The following IL1RAPL1 variants were observed in gnomAD, a reference collection of about 807,000 sequenced individuals.
IL1RAPL1 encodes interleukin-1 receptor accessory protein-like 1.
IL1RAPL1 carries 3 observed loss-of-function variants against 48.4 expected under a neutral mutation model. The ratio of observed to expected loss-of-function variants is 0.06; its 90% CI spans 0.03 to 0.16. IL1RAPL1 has a LOEUF of 0.16. IL1RAPL1 is among the 10% of genes least tolerant of loss of function. The pLI is 1.00. For missense variants in IL1RAPL1, 349 were observed against 530.6 expected (o/e 0.66, Z 3.36); for synonymous variants, 185 against 187.7 (o/e 0.99, Z 0.12).
intron 9 of IL1RAPL1, among the ~76,000 whole-genome samples, chrX:29,943,155 A>G (rs1178415607): frequency 2.7e-5 from 3 of 111,901 alleles, no homozygotes; most frequent in Non-Finnish European, 5.6e-5. Flanking sequence ...CCTGAGCTGC[A>G]GCAAAACCCT....
intron 6 of IL1RAPL1, among the ~76,000 whole-genome samples, chrX:29,782,172 A>G (rs1395427921): frequency 9.1e-6 from 1 of 109,704 alleles, no homozygotes; most frequent in African/African-American, 3.3e-5. Context: ...CTACCTATAT[A>G]GGTAGGGGAG....
chrX:29,394,411 T>C (rs867847740), intron 3 of IL1RAPL1, among the ~76,000 whole-genome samples: 3 of 112,344 alleles, frequency 2.7e-5, no homozygotes, highest in Admixed American at 9.5e-5. Context: ...TTGTCCAGTC[T>C]CAAGTCCTTT....
At chrX:29,308,450 A>G (rs1462869667) in intron 3 of IL1RAPL1, among the ~76,000 whole-genome samples, 1 of 111,943 alleles carries the variant, frequency 8.9e-6, no homozygotes, top group African/African-American at 3.2e-5. Context: ...AGAACCAGAG[A>G]GAATCAGTCC....
At chrX:29,425,312 T>C (rs746497682) in intron 5 of IL1RAPL1, among the ~76,000 whole-genome samples, 2 of 111,942 alleles carry the variant, frequency 1.8e-5, no homozygotes, top group South Asian at 7.6e-4. Flanking sequence ...CCAATGGAGC[T>C]TGACAAAGCA....
chrX:29,782,434 A>C (rs1929368898), intron 6 of IL1RAPL1, among the ~76,000 whole-genome samples: 1 of 111,725 alleles, frequency 9.0e-6, no homozygotes, highest in African/African-American at 3.3e-5. Flanking sequence ...TCCATCAAGA[A>C]TCTAATCTAT....
At chrX:29,373,866 A>ATTTTTTTT (rs1933579571) in intron 3 of IL1RAPL1, among the ~76,000 whole-genome samples, 2 of 23,494 alleles carry the variant, frequency 8.5e-5, no homozygotes, top group African/African-American at 3.3e-4. Flanking sequence ...CTCTCTTTTT[A>ATTTTTTTT]ATTTTTTTTT....
chrX:28,748,175 C>T (rs1357195826), intron 1 of IL1RAPL1, among the ~76,000 whole-genome samples: 2 of 111,641 alleles, frequency 1.8e-5, no homozygotes, highest in Non-Finnish European at 3.8e-5. Flanking sequence ...ATCATATACA[C>T]ATCATGAATA....
intron 5 of IL1RAPL1, among the ~76,000 whole-genome samples, chrX:29,431,462 T>C (rs1934421982): frequency 8.9e-6 from 1 of 111,982 alleles, no homozygotes; most frequent in Non-Finnish European, 1.9e-5. Flanking sequence ...AAGTATTTCA[T>C]CCTCACACAA....
chrX:29,358,018 G>T (rs888853441), intron 3 of IL1RAPL1, among the ~76,000 whole-genome samples: 1 of 111,566 alleles, frequency 9.0e-6, no homozygotes, highest in Non-Finnish European at 1.9e-5. Context: ...TTCTTCTCAG[G>T]TAAGGGCAGG....
intron 3 of IL1RAPL1, among the ~76,000 whole-genome samples, chrX:29,290,693 GGTCACCTGTGGCTGGA>G (rs1932356645): frequency 9.0e-6 from 1 of 111,721 alleles, no homozygotes; most frequent in African/African-American, 3.3e-5. Flanking sequence ...TCTTGCCTGT[GGTCACCTGTGGCTGGA>G]GTCCACTGCA....
At chrX:29,343,454 G>A (rs189220236) in intron 3 of IL1RAPL1, among the ~76,000 whole-genome samples, 1 of 111,254 alleles carries the variant, frequency 9.0e-6, no homozygotes, top group East Asian at 2.8e-4. Context: ...ATGTAGATGA[G>A]TCTTTTCCTT....
At chrX:29,303,175 G>A (rs943597011) in intron 3 of IL1RAPL1, among the ~76,000 whole-genome samples, 1 of 111,696 alleles carries the variant, frequency 9.0e-6, no homozygotes, top group Non-Finnish European at 1.9e-5. Context: ...GCCTTCATAC[G>A]GTAGACGTTT....
At chrX:29,048,001 C>T (rs1033115620) in intron 2 of IL1RAPL1, among the ~76,000 whole-genome samples, 1 of 111,163 alleles carries the variant, frequency 9.0e-6, no homozygotes, top group Non-Finnish European at 1.9e-5. Flanking sequence ...TTCATTCACT[C>T]CCCTTTCCTT....
At chrX:28,969,832 TATATGTTTCTAAAC>T (rs1354223417) in intron 2 of IL1RAPL1, among the ~76,000 whole-genome samples, 1 of 65,274 alleles carries the variant, frequency 1.5e-5, no homozygotes, top group African/African-American at 5.7e-5. Context: ...TAGAAACATA[TATATGTTTCTAAAC>T]ATATATGTTT....
intron 2 of IL1RAPL1, among the ~76,000 whole-genome samples, chrX:29,061,882 T>G (rs1283656294): frequency 8.9e-6 from 1 of 112,376 alleles, no homozygotes; most frequent in African/African-American, 3.2e-5. Flanking sequence ...CTAAACTGTT[T>G]ACAAGGAAAT....
chrX:29,044,967 G>A (rs1926923259), intron 2 of IL1RAPL1, among the ~76,000 whole-genome samples: 1 of 111,997 alleles, frequency 8.9e-6, no homozygotes, highest in Admixed American at 9.5e-5. Context: ...GTGCATGGGT[G>A]TGTGTGTATG....
chrX:29,757,997 A>C (rs1425793945), intron 6 of IL1RAPL1, among the ~76,000 whole-genome samples: 1 of 111,938 alleles, frequency 8.9e-6, no homozygotes, highest in Non-Finnish European at 1.9e-5. Flanking sequence ...TCAATCAATC[A>C]TTTTTATAAA....
At chrX:29,526,963 A>T (rs1043061870) in intron 5 of IL1RAPL1, among the ~76,000 whole-genome samples, 8 of 112,005 alleles carry the variant, frequency 7.1e-5, no homozygotes, top group Non-Finnish European at 1.5e-4. Context: ...GAAAAACACT[A>T]AAAAGGAAAA....
intron 6 of IL1RAPL1, among the ~76,000 whole-genome samples, chrX:29,885,330 A>G (rs1031816579): frequency 5.4e-5 from 6 of 111,632 alleles, no homozygotes; most frequent in Middle Eastern, 4.6e-3. Context: ...TTCCCCATAT[A>G]TCTTATCACC....
Sources: gnomAD v4.1 joint callset for allele counts (sites outside exome capture counted in the v4.1 genomes callset) on GRCh38, gnomAD v4.1.1 for gene constraint, MANE v1.5 for transcripts, NCBI Gene and HGNC (gene_info 2026-07-23, HGNC 2026-07-21) for gene names.